Variants in NRG1 observed in about 807,000 individuals in gnomAD.
NRG1 encodes the protein pro-neuregulin-1, membrane-bound isoform.
A neutral mutation model predicts 63.8 loss-of-function variants in NRG1; 18 were observed. The observed-to-expected ratio is 0.28, with a 90% CI of 0.19 to 0.42. NRG1 has a LOEUF of 0.42. NRG1 is among the 10% of genes least tolerant of loss of function. NRG1 has a pLI of 1.00. For synonymous variants in NRG1, 302 were observed against 301.3 expected, an observed-to-expected ratio of 1.00 and a Z score of -0.02; for missense variants, 762 against 814.7, an observed-to-expected ratio of 0.94 and a Z score of 0.79.
chr8:32,284,003 G>T (rs1853205072), intron 1 of NRG1, among the ~76,000 whole-genome samples: 1 of 152,106 alleles, frequency 6.6e-6, no homozygotes, highest in African/African-American at 2.4e-5. Context: ...GTGCTTAAGA[G>T]TTTCAGTTTG....
intron 6 of NRG1, among the ~76,000 whole-genome samples, chr8:32,731,647 C>G (rs556837780): frequency 6.6e-6 from 1 of 152,030 alleles, no homozygotes; most frequent in South Asian, 2.1e-4. Flanking sequence ...TTTTTAAATC[C>G]TGTATGTAAA....
intron 1 of NRG1, among the ~76,000 whole-genome samples, chr8:32,281,279 C>T (rs112942373): frequency 0.088 from 13,124 of 149,944 alleles, 747 homozygotes; most frequent in African/African-American, 0.16. Flanking sequence ...TGAGTTCAAG[C>T]GATTCCCCCT....
In NRG1 at chr8:32,252,777, A is replaced by T. The variant is rs564449871; in HGVS notation, c.38-343051A>T. ...GGGGATAGCATTGAATCTATAAATT[A>T]CTTTGGGCAGTATGGCCATTTTCAT... is the stretch of plus-strand genomic sequence containing the variant. On this transcript the variant is annotated intron_variant, in intron 1 of 10. Transcript: ENST00000519301. Among the ~76,000 whole-genome samples, 378 of 152,334 alleles carry T rather than the reference A, an allele frequency of 2.5e-3. 4 individuals carry two copies. The highest frequency in any genetic ancestry group is 8.5e-3 in the African/African-American group (355 of 41,582).
intron 1 of NRG1, among the ~76,000 whole-genome samples, chr8:32,444,914 T>C (rs1208280461): frequency 2.6e-5 from 4 of 152,230 alleles, no homozygotes; most frequent in Non-Finnish European, 4.4e-5. Flanking sequence ...ATGTCTGTGA[T>C]TGATTTTTCT....
At chr8:31,804,755 A>G (rs1216889296) in intron 1 of NRG1, among the ~76,000 whole-genome samples, 1 of 152,182 alleles carries the variant, frequency 6.6e-6, no homozygotes, top group African/African-American at 2.4e-5. Flanking sequence ...GCACACCCAC[A>G]TTGAAGATTA....
intron 1 of NRG1, among the ~76,000 whole-genome samples, chr8:31,996,336 G>A (rs938455706): frequency 9.2e-5 from 14 of 151,906 alleles, no homozygotes; most frequent in African/African-American, 2.4e-4. Flanking sequence ...AGTAAAAGTC[G>A]CAATACACAT....
intron 1 of NRG1, among the ~76,000 whole-genome samples, chr8:32,365,759 A>T (rs1001185382): frequency 6.6e-6 from 1 of 152,184 alleles, no homozygotes; most frequent in African/African-American, 2.4e-5. Flanking sequence ...TGGTGTAGAC[A>T]CACAGGCAGC....
intron 1 of NRG1, among the ~76,000 whole-genome samples, chr8:32,091,946 C>G (rs889748490): frequency 3.3e-5 from 5 of 152,028 alleles, no homozygotes; most frequent in Non-Finnish European, 5.9e-5. Flanking sequence ...CCCAGTGCTC[C>G]TTCAAACATG....
chr8:31,964,676 A>G (rs941319595), intron 1 of NRG1, among the ~76,000 whole-genome samples: 35 of 152,182 alleles, frequency 2.3e-4, no homozygotes, highest in African/African-American at 8.4e-4. Context: ...ATAACAAAAC[A>G]CAGCAAGGAC....
intron 1 of NRG1, among the ~76,000 whole-genome samples, chr8:32,448,125 ATAT>A (rs1332512583): frequency 3.3e-5 from 5 of 152,208 alleles, no homozygotes; most frequent in African/African-American, 1.2e-4. Flanking sequence ...CATGAACAAA[ATAT>A]TATATGCAAC....
intron 1 of NRG1, among the ~76,000 whole-genome samples, chr8:32,571,420 G>A (rs1367249571): frequency 6.6e-6 from 1 of 152,082 alleles, no homozygotes; most frequent in Non-Finnish European, 1.5e-5. Flanking sequence ...ATGCCATCGT[G>A]GTTTTACAGC....
chr8:32,553,287 T>G (rs1389637679), intron 1 of NRG1, among the ~76,000 whole-genome samples: 1 of 152,180 alleles, frequency 6.6e-6, no homozygotes. Flanking sequence ...AAGTGCCCAG[T>G]AATATTAGCT....
At chr8:32,644,651 G>A (rs1052600074) in intron 5 of NRG1, among the ~76,000 whole-genome samples, 5 of 152,200 alleles carry the variant, frequency 3.3e-5, no homozygotes, top group African/African-American at 1.2e-4. Flanking sequence ...ACATCCCAAA[G>A]TCTGGCTCAT....
chr8:32,030,093 G>A (rs1211807298), intron 1 of NRG1, among the ~76,000 whole-genome samples: 3 of 152,034 alleles, frequency 2.0e-5, no homozygotes, highest in Admixed American at 6.6e-5. Context: ...ACTTATTATA[G>A]TTTATACTGT....
chr8:32,287,558 T>C (rs1333008120), intron 1 of NRG1: 1 of 152,202 alleles, frequency 6.6e-6, no homozygotes, highest in Non-Finnish European at 1.5e-5. Context: ...TGGTCAGTCT[T>C]TTCCATGTGT....
chr8:32,506,351 T>C (rs1229435564), intron 1 of NRG1, among the ~76,000 whole-genome samples: 2 of 152,174 alleles, frequency 1.3e-5, no homozygotes, highest in African/African-American at 4.8e-5. Flanking sequence ...TTCTTTTTTA[T>C]TGGGGACCCA....
intron 1 of NRG1, among the ~76,000 whole-genome samples, chr8:32,257,079 C>T (rs1849808538): frequency 6.6e-6 from 1 of 152,172 alleles, no homozygotes; most frequent in Admixed American, 6.5e-5. Flanking sequence ...GCTTTATTTA[C>T]ACTGTGAGGG....
At chr8:32,086,294 C>T (rs1828211428) in intron 1 of NRG1, among the ~76,000 whole-genome samples, 1 of 152,168 alleles carries the variant, frequency 6.6e-6, no homozygotes, top group Admixed American at 6.5e-5. Flanking sequence ...CCACACAAAT[C>T]ACATCACCCA....
intron 1 of NRG1, among the ~76,000 whole-genome samples, chr8:31,694,891 G>A (rs1186917577): frequency 6.6e-6 from 1 of 152,154 alleles, no homozygotes; most frequent in Non-Finnish European, 1.5e-5. Context: ...TTTTTATTGG[G>A]GGAAAAGTGT....
Sources: gnomAD v4.1 joint callset for allele counts (sites outside exome capture counted in the v4.1 genomes callset) on GRCh38, gnomAD v4.1.1 for gene constraint, MANE v1.5 for transcripts, NCBI Gene and HGNC (gene_info 2026-07-23, HGNC 2026-07-21) for gene names.